RPAP1: variants seen among roughly 807,000 people sequenced by gnomAD.
RPAP1 encodes RNA polymerase II associated protein 1.
Under a neutral mutation model 142.4 loss-of-function variants are expected in RPAP1, and 109 were observed. The ratio of observed to expected loss-of-function variants is 0.77; its 90% CI spans 0.66 to 0.90. RPAP1 has a LOEUF of 0.90. Ranked by LOEUF, RPAP1 falls within the 40% of genes least tolerant of loss-of-function variation. The probability of loss-of-function intolerance (pLI) is 0.00; values close to 1 mark genes in which losing one functional copy is unlikely to be tolerated. For synonymous variants in RPAP1, 704 were observed against 738.9 expected, an observed-to-expected ratio of 0.95 and a Z score of 0.77; for missense variants, 1,546 against 1,751.7, an observed-to-expected ratio of 0.88 and a Z score of 2.10.
In RPAP1 at chr15:41,526,960, C is replaced by G; in HGVS notation, c.1855G>C (p.Ala619Pro). 6.2e-7 allele frequency: 1 copy of G among 1,614,204 alleles called. No individual in the cohort carries two copies. The highest frequency in any genetic ancestry group is 8.5e-7 in the Non-Finnish European group (1 of 1,180,024). ...ACACGAAGTAGTTTCATGGCAGTAG[C>G]ACAGGGTACTTTGTATAGACTAGGG... Reference protein sequence around the residue: ...PTPSLYKVPCATAMKLLRVLA... With the variant: ...PTPSLYKVPCPTAMKLLRVLA... The change falls in exon 14 of 25, where the codon GCT becomes CCT. Residue 619 changes from alanine to proline, a missense_variant. By Grantham distance (27) the Ala-to-Pro change is conservative. Transcript: ENST00000304330.
rs767281470 is a variant in RPAP1, at chr15:41,517,555, A to G, written c.4169T>C (p.Val1390Ala). ...ATATCAACTATCCTAGGTCTCTGAT[A>G]CCCCATTTTGGAGCACTGTTGAAGT... is the stretch of plus-strand genomic sequence containing the variant. ...RLTSTVLQNG[V>A]SET is the part of the protein sequence containing the mutation. Residue 1390 changes from valine (V) to alanine (A), a missense_variant, in exon 25 of 25, where the codon GTA becomes GCA. Val to Ala is a moderately conservative substitution (Grantham distance 64). Around this residue, in one of 3 missense-constraint regions of RPAP1, gnomAD observed 210 missense variants for 248.0 expected, o/e 0.85. Coordinates refer to ENST00000304330, the MANE Select transcript of RPAP1 (RefSeq NM_015540.4). The G allele has an allele frequency of 6.4e-7, 1 of 1,568,114 alleles. No individual in the cohort carries two copies. The highest frequency in any genetic ancestry group is 8.6e-7 in the Non-Finnish European group (1 of 1,157,780).
intron 7 of RPAP1, among the ~76,000 whole-genome samples, 156 bp from the exon 8 acceptor site, chr15:41,530,135 G>C (rs2051833844): frequency 6.6e-6 from 1 of 152,160 alleles, no homozygotes; most frequent in Non-Finnish European, 1.5e-5. Flanking sequence ...CCAGGGACTG[G>C]AACTCCTGGG....
At chr15:41,532,966 G>A (rs1265312948) in intron 6 of RPAP1, among the ~76,000 whole-genome samples, 4 of 115,050 alleles carry the variant, frequency 3.5e-5, no homozygotes, top group East Asian at 2.8e-4. Flanking sequence ...ACAACAGAGC[G>A]AGACTCCGTC....
rs781269578 is a variant in RPAP1 at position 41,522,244 on chromosome 15, C to T, written c.2749G>A (p.Ala917Thr). ...IHKGLCGQLAAILAAPGLQNY... is the reference protein window; with the variant it reads ...IHKGLCGQLATILAAPGLQNY... The stretch of plus-strand genomic sequence containing the variant: ...TGGAGTCCCGGGGCAGCCAATATGG[C>T]AGCCAGCTGAGGAAAAGCAATTTTG... The change falls in exon 20 of 25, where the codon GCC becomes ACC. Residue 917 changes from alanine to threonine, a missense_variant. By Grantham distance (58) the Ala-to-Thr change is moderately conservative (BLOSUM62 0). Around this residue, in one of 3 missense-constraint regions of RPAP1, gnomAD observed 1,333 missense variants for 1,486.6 expected, o/e 0.90. Transcript: ENST00000304330. The T allele has an allele frequency of 3.1e-6, 5 of 1,613,742 alleles. No homozygotes were observed. Among genetic ancestry groups the T allele is most frequent in the Non-Finnish European group, 3.4e-6 (4 of 1,179,908 alleles).
At position 41,522,754 on chromosome 15, in the gene RPAP1, C is replaced by CTAATCAGG. The variant is rs757292009; in HGVS notation, c.2742+10_2742+11insCCTGATTA. 6.5e-7 allele frequency: 1 copy of CTAATCAGG among 1,545,650 alleles called. No individual in the cohort carries two copies. Among genetic ancestry groups the CTAATCAGG allele is most frequent in the Non-Finnish European group, 8.6e-7 (1 of 1,158,320 alleles). Reference sequence around the variant, plus strand: ...CCTTGCCTGGCCCCTAATCAGGCACCCCACACTTACCTGGCCACACAGCCC... The same window carrying CTAATCAGG: ...CCTTGCCTGGCCCCTAATCAGGCACCTAATCAGGCCACACTTACCTGGCCACACAGCCC... On this transcript the variant is annotated intron_variant, in intron 19 of 24. Coordinates refer to ENST00000304330, the MANE Select transcript of RPAP1 (RefSeq NM_015540.4).
chr15:41,527,101 G>T, intron 13 of RPAP1, 33 bp from the exon 14 acceptor site: 1 of 1,612,384 alleles, frequency 6.2e-7, no homozygotes, highest in Non-Finnish European at 8.5e-7. Context: ...GGGAGGAAGG[G>T]AGGCTGTGGG....
intron 22 of RPAP1, 196 bp downstream of exon 22, chr15:41,520,193 CAG>C (rs1468225106): frequency 1.6e-6 from 1 of 628,324 alleles, no homozygotes; most frequent in Non-Finnish European, 2.7e-6. Context: ...CTCAGCTTCC[CAG>C]AGTGATGGAA....
rs746739394 is a variant in RPAP1, at chr15:41,518,120, G to A, written c.3858C>T (p.Leu1286=). ...CACCAGTAACCAGGGTCCGGAAGTA[G>A]AGCTGAAGGAGGGCCAGGTTGTCTT... The part of the protein sequence containing the change: ...PPEDNLALLQ[L]YFRTLVTGAL... Residue 1286 remains leucine (L), a synonymous_variant, in exon 23 of 25, where the codon CTC becomes CTT. Transcript: ENST00000304330. 5.0e-6 allele frequency: 8 copies of A among 1,601,486 alleles called. No individual in the cohort carries two copies. The highest frequency in any genetic ancestry group is 6.8e-6 in the Non-Finnish European group (8 of 1,176,500).
At chr15:41,530,862 A>G (rs1313807597) in intron 7 of RPAP1, among the ~76,000 whole-genome samples, 161 bp downstream of exon 7, 1 of 152,260 alleles carries the variant, frequency 6.6e-6, no homozygotes, top group Non-Finnish European at 1.5e-5. Flanking sequence ...GGAAGAAGAC[A>G]TGCATCAGCA....
intron 22 of RPAP1, among the ~76,000 whole-genome samples, chr15:41,518,776 G>C (rs1164808443): frequency 1.3e-5 from 2 of 152,160 alleles, no homozygotes; most frequent in Admixed American, 1.3e-4. Flanking sequence ...CTGGGAGCTA[G>C]AGGTTGCAGT....
chr15:41,542,133 G>A (rs771764746), intron 1 of RPAP1, among the ~76,000 whole-genome samples: 7 of 152,168 alleles, frequency 4.6e-5, no homozygotes, highest in Non-Finnish European at 8.8e-5. Flanking sequence ...GCTTACTGGG[G>A]AGACAGAGAC....
chr15:41,535,380 T>C, intron 5 of RPAP1, 132 bp downstream of exon 5: 4 of 1,287,652 alleles, frequency 3.1e-6, no homozygotes, highest in Non-Finnish European at 4.2e-6. Flanking sequence ...CTCCCATACC[T>C]AGTATTCTCA....
At chr15:41,535,787 A>G (rs559769553) in intron 4 of RPAP1, among the ~76,000 whole-genome samples, 155 bp from the exon 5 acceptor site, 41 of 152,350 alleles carry the variant, frequency 2.7e-4, no homozygotes, top group African/African-American at 7.7e-4. Flanking sequence ...GGAGAGGTCT[A>G]TAAGAGTAAA....
In RPAP1 at chr15:41,526,516, G is replaced by A. The variant is rs868234688; in HGVS notation, c.1917+382C>T. 5.3e-5 allele frequency among the ~76,000 whole-genome samples: 8 copies of A among 152,322 alleles called. 1 individual carries two copies. Among genetic ancestry groups the A allele is most frequent in the Middle Eastern group, 6.8e-3 (2 of 294 alleles). On this transcript the variant is annotated intron_variant, in intron 14 of 24. Transcript: ENST00000304330. The stretch of plus-strand genomic sequence containing the variant: ...GATCCTCCTGCCTTGGCCTCCCAAA[G>A]TGCTGGGATTACAGGCCTGAGCCAC...
At position 41,535,503 on chromosome 15, in the gene RPAP1, C is replaced by G. The variant is rs2051897357; in HGVS notation, c.541+9G>C. ...AGGCCAAGCCCAATCCTCTTCAACC[C>G]CGGCTCACCCTCTGGTGGGCCCACG... On this transcript the variant is annotated intron_variant, in intron 5 of 24. Transcript: ENST00000304330. The G allele has an allele frequency of 6.3e-7, 1 of 1,596,410 alleles. No individual in the cohort carries two copies. Among genetic ancestry groups the G allele is most frequent in the Non-Finnish European group, 8.5e-7 (1 of 1,175,062 alleles).
rs1489351584 is a variant in RPAP1 at position 41,527,786 on chromosome 15, G to A, written c.1428+74C>T. ...ATCTTGCCCGCAAAGCCTTAGCAATGGGGCCATGCCCAGGAACAGGAATAT... is the reference window on the plus strand; with the variant it reads ...ATCTTGCCCGCAAAGCCTTAGCAATAGGGCCATGCCCAGGAACAGGAATAT... On this transcript the variant is annotated intron_variant, in intron 11 of 24. Coordinates refer to ENST00000304330, the MANE Select transcript of RPAP1 (RefSeq NM_015540.4). The A allele has an allele frequency of 1.9e-6, 3 of 1,570,754 alleles. No homozygotes were observed. The East Asian group carries it at 6.7e-5, about 35-fold the overall frequency.
intron 22 of RPAP1, 86 bp from the exon 23 acceptor site, chr15:41,518,268 C>A: frequency 1.7e-6 from 2 of 1,187,390 alleles, no homozygotes; most frequent in South Asian, 1.7e-5. Context: ...CACATGAAAC[C>A]AAATCATGAG....
intron 10 of RPAP1, 95 bp from the exon 11 acceptor site, chr15:41,528,122 T>C: frequency 2.0e-6 from 3 of 1,535,164 alleles, no homozygotes; most frequent in Non-Finnish European, 1.8e-6. Flanking sequence ...TCCTAGGTTG[T>C]TAAAAGCACA....
In RPAP1 at chr15:41,520,576, G is replaced by C; in HGVS notation, c.3610C>G (p.Leu1204Val). 1.2e-6 allele frequency: 2 copies of C among 1,614,214 alleles called. No homozygotes were observed. The highest frequency in any genetic ancestry group is 8.5e-7 in the Non-Finnish European group (1 of 1,180,042). ...NLNLDCRLPG[L>V]TSFPDLYANF... is the part of the protein sequence containing the mutation. Reference sequence around the variant, plus strand: ...GCATAGAGGTCAGGGAAAGACGTCAGGCCAGGGAGTCGGCAGTCCAGGTTG... The same window carrying C: ...GCATAGAGGTCAGGGAAAGACGTCACGCCAGGGAGTCGGCAGTCCAGGTTG... The change falls in exon 22 of 25, where the codon CTG becomes GTG. Residue 1204 changes from leucine to valine, a missense_variant. This residue lies in a region of RPAP1 where 210 missense variants were observed against 248.0 expected (regional missense o/e 0.85). Coordinates refer to ENST00000304330, the MANE Select transcript of RPAP1 (RefSeq NM_015540.4).
Sources: gnomAD v4.1 joint callset for allele counts (sites outside exome capture counted in the v4.1 genomes callset) on GRCh38, gnomAD v4.1.1 for gene constraint, gnomAD v4.1.1 regional missense constraint, MANE v1.5 for transcripts, NCBI Gene and HGNC (gene_info 2026-07-23, HGNC 2026-07-21) for gene names.